SH3RF3: variants seen among roughly 807,000 people sequenced by gnomAD.
SH3RF3 encodes the protein E3 ubiquitin-protein ligase SH3RF3.
In SH3RF3, 29 loss-of-function variants were observed where a neutral mutation model predicts 66.3. The observed-to-expected ratio is 0.44, with a 90% CI of 0.33 to 0.60. SH3RF3 has a LOEUF of 0.60. Among genes scored for constraint, SH3RF3 ranks in the 20% least tolerant of loss-of-function variants. The pLI is 0.04. For synonymous variants in SH3RF3, 583 were observed against 532.0 expected, an observed-to-expected ratio of 1.10 and a Z score of -1.32; for missense variants, 1,194 against 1,190.9, an observed-to-expected ratio of 1.00 and a Z score of -0.04.
At chr2:109,372,912 G>A (rs1430826801) in intron 3 of SH3RF3, among the ~76,000 whole-genome samples, 1 of 152,222 alleles carries the variant, frequency 6.6e-6, no homozygotes, top group Non-Finnish European at 1.5e-5. Flanking sequence ...TAAAACATCT[G>A]TCAATTCCCC....
chr2:109,146,890 C>CA (rs1677113490), intron 1 of SH3RF3, among the ~76,000 whole-genome samples: 1 of 14,460 alleles, frequency 6.9e-5, no homozygotes, highest in East Asian at 1.3e-3. Flanking sequence ...TTCCCTCCCC[C>CA]CCCCCCCCCC....
chr2:109,333,644 T>C (rs12616345), intron 1 of SH3RF3, among the ~76,000 whole-genome samples: 79,745 of 151,978 alleles, frequency 0.52, 22,075 homozygotes, highest in Non-Finnish European at 0.62. Flanking sequence ...AAAGCCACCT[T>C]GCTCCACTAG....
intron 1 of SH3RF3, among the ~76,000 whole-genome samples, chr2:109,168,366 C>T (rs1677679413): frequency 6.6e-6 from 1 of 152,152 alleles, no homozygotes; most frequent in Non-Finnish European, 1.5e-5. Context: ...ACCCAGCTAT[C>T]AGGAGTGAGA....
In SH3RF3 at chr2:109,490,698, C is replaced by T. The variant is rs771349444; in HGVS notation, c.2242C>T (p.Pro748Ser). Residue 748 changes from proline (P) to serine (S), a missense_variant, in exon 9 of 10, where the codon CCC becomes TCC. Physicochemically the swap from Pro to Ser is moderately conservative, Grantham distance 74 (BLOSUM62 -1). Transcript: ENST00000309415. Reference protein sequence around the residue: ...SPPSVSPTHDPQVAVDALLQG... With the variant: ...SPPSVSPTHDSQVAVDALLQG... ...GCCATCTGTGTCTCCAACCCACGAC[C>T]CCCAGGTGGCCGTGGACGCCCTGCT... The T allele has an allele frequency of 5.0e-5, 76 of 1,533,792 alleles. No homozygotes were observed. In the African/African-American group the frequency reaches 9.9e-4, roughly 20 times the overall value.
At chr2:109,314,402 C>T (rs2105438159) in intron 1 of SH3RF3, among the ~76,000 whole-genome samples, 1 of 152,246 alleles carries the variant, frequency 6.6e-6, no homozygotes, top group South Asian at 2.1e-4. Context: ...TGATTGTAAC[C>T]CTGCCTTGGT....
chr2:109,424,069 C>T (rs535809341), intron 5 of SH3RF3, among the ~76,000 whole-genome samples: 12 of 152,308 alleles, frequency 7.9e-5, no homozygotes, highest in East Asian at 3.9e-4. Context: ...ACATCCCCAC[C>T]GGTACCGGCA....
chr2:109,417,594 G>T (rs1455867080), intron 4 of SH3RF3, among the ~76,000 whole-genome samples: 2 of 152,160 alleles, frequency 1.3e-5, no homozygotes, highest in Non-Finnish European at 2.9e-5. Flanking sequence ...GCTCTCTCAG[G>T]ATCCTTTGAA....
intron 3 of SH3RF3, among the ~76,000 whole-genome samples, chr2:109,379,216 C>T (rs1025528107): frequency 3.3e-5 from 5 of 152,196 alleles, no homozygotes; most frequent in African/African-American, 1.2e-4. Context: ...CTTGGCTAAG[C>T]AGATGTTAGC....
intron 1 of SH3RF3, among the ~76,000 whole-genome samples, chr2:109,157,377 G>A (rs113592590): frequency 4.9e-4 from 75 of 152,216 alleles, no homozygotes; most frequent in African/African-American, 1.6e-3. Context: ...AGACTCCCAC[G>A]TGCCATCCAT....
intron 1 of SH3RF3, among the ~76,000 whole-genome samples, chr2:109,226,226 G>A (rs1171521525): frequency 6.6e-6 from 1 of 152,192 alleles, no homozygotes; most frequent in African/African-American, 2.4e-5. Context: ...AAGGAACTTA[G>A]AGAAAGACTG....
At chr2:109,415,562 T>G (rs1676700462) in intron 4 of SH3RF3, among the ~76,000 whole-genome samples, 1 of 152,092 alleles carries the variant, frequency 6.6e-6, no homozygotes, top group Non-Finnish European at 1.5e-5. Context: ...CTGGGCTCCC[T>G]CGCACTTCCT....
chr2:109,499,144 A>G (rs959697125), intron 9 of SH3RF3, among the ~76,000 whole-genome samples: 1 of 152,034 alleles, frequency 6.6e-6, no homozygotes, highest in Admixed American at 6.5e-5. Context: ...CGCCAGGACC[A>G]GGAGCCACCC....
At chr2:109,296,696 C>A (rs992617938) in intron 1 of SH3RF3, among the ~76,000 whole-genome samples, 2 of 152,116 alleles carry the variant, frequency 1.3e-5, no homozygotes, top group Non-Finnish European at 2.9e-5. Context: ...GTGTCATGGG[C>A]AGCAGAGATT....
At chr2:109,306,458 C>T (rs1437524010) in intron 1 of SH3RF3, among the ~76,000 whole-genome samples, 1 of 152,190 alleles carries the variant, frequency 6.6e-6, no homozygotes, top group Non-Finnish European at 1.5e-5. Context: ...CTGCACATAC[C>T]GCAGAAGGTA....
intron 3 of SH3RF3, among the ~76,000 whole-genome samples, chr2:109,395,318 G>A (rs1397123997): frequency 6.6e-6 from 1 of 152,226 alleles, no homozygotes; most frequent in African/African-American, 2.4e-5. Context: ...AAGACTGACA[G>A]GGCAGGAGGA....
At chr2:109,328,727 G>C (rs1682216185) in intron 1 of SH3RF3, among the ~76,000 whole-genome samples, 1 of 152,196 alleles carries the variant, frequency 6.6e-6, no homozygotes, top group African/African-American at 2.4e-5. Flanking sequence ...CCTGTGATCT[G>C]TCAGTATGGT....
intron 1 of SH3RF3, among the ~76,000 whole-genome samples, chr2:109,211,648 C>CTTTTTTTT: frequency 7.0e-6 from 1 of 142,580 alleles, no homozygotes; most frequent in Non-Finnish European, 1.5e-5. Context: ...GCATTTCTTT[C>CTTTTTTTT]TTTTTTTTTT....
chr2:109,452,708 G>A (rs1373081945), intron 8 of SH3RF3, among the ~76,000 whole-genome samples: 1 of 152,208 alleles, frequency 6.6e-6, no homozygotes, highest in Non-Finnish European at 1.5e-5. Flanking sequence ...GGTCCCAGGA[G>A]GCTGGTTCCC....
intron 3 of SH3RF3, among the ~76,000 whole-genome samples, chr2:109,394,275 C>A (rs1676082146): frequency 6.6e-6 from 1 of 152,220 alleles, no homozygotes; most frequent in African/African-American, 2.4e-5. Flanking sequence ...CAGCAGGCAG[C>A]CACTCGAGGT....
Sources: allele counts gnomAD v4.1 joint callset (sites outside exome capture counted in the v4.1 genomes callset), GRCh38; gene constraint gnomAD v4.1.1; transcripts MANE v1.5; gene names NCBI Gene and HGNC (gene_info 2026-07-23, HGNC 2026-07-21).